Variants in GLCCI1 observed in about 807,000 individuals in gnomAD.
The protein encoded by GLCCI1 is glucocorticoid-induced transcript 1 protein.
In GLCCI1, 24 loss-of-function variants were observed where a neutral mutation model predicts 52.2. The observed-to-expected ratio is 0.46, with a 90% confidence interval of 0.33 to 0.65. The LOEUF (loss-of-function observed/expected upper bound fraction) is 0.65. Ranked by LOEUF, GLCCI1 falls within the 30% of genes least tolerant of loss-of-function variation. The pLI, the probability that GLCCI1 is intolerant of heterozygous loss-of-function variation, is 0.02. For synonymous variants in GLCCI1, 310 were observed against 276.5 expected, an observed-to-expected ratio of 1.12 and a Z score of -1.20; for missense variants, 704 against 701.5, an observed-to-expected ratio of 1.00 and a Z score of -0.04.
chr7:8,069,578 C>T (rs1424609483), intron 5 of GLCCI1, among the ~76,000 whole-genome samples: 1 of 151,984 alleles, frequency 6.6e-6, no homozygotes, highest in Non-Finnish European at 1.5e-5. Context: ...GCCGAGGGCT[C>T]ACAGGGAGGA....
At chr7:8,017,176 T>G (rs1001683506) in intron 2 of GLCCI1, among the ~76,000 whole-genome samples, 2 of 152,244 alleles carry the variant, frequency 1.3e-5, no homozygotes, top group Non-Finnish European at 2.9e-5. Flanking sequence ...TTGGTGATAT[T>G]CATGCCATCA....
At chr7:8,077,401 C>G (rs1392293650) in intron 6 of GLCCI1, among the ~76,000 whole-genome samples, 1 of 152,212 alleles carries the variant, frequency 6.6e-6, no homozygotes, top group Non-Finnish European at 1.5e-5. Context: ...ACTTGATCAT[C>G]TAGTCAGCTC....
At chr7:8,055,412 T>C (rs770400046) in intron 3 of GLCCI1, 21 bp from the exon 4 acceptor site, 1 of 1,496,354 alleles carries the variant, frequency 6.7e-7, no homozygotes, top group Non-Finnish European at 9.3e-7. Context: ...TCTTCTTACT[T>C]CTCTTTCCCT....
rs530365789 is a variant in GLCCI1 at position 7,969,479 on chromosome 7, G to GGGCGGC, written c.140_145dup (p.Gly47_Gly48dup). 1,507 of 1,031,764 alleles carry GGGCGGC rather than the reference G, an allele frequency of 1.5e-3. 5 individuals are homozygous for GGGCGGC. The highest frequency in any genetic ancestry group is 1.6e-3 in the Non-Finnish European group (1,383 of 861,894). 63.9% of individuals were successfully genotyped at this position (1,031,764 alleles called of 1,614,324 possible). ...CCGCCGCCGGGAGCGGGAACGGTGCGGGCGGCGGCGGCGGCGTGGGCTGCG... is the reference window on the plus strand; with the variant it reads ...CCGCCGCCGGGAGCGGGAACGGTGCGGGCGGCGGCGGCGGCGGCGGCGTGGGCTGCG... On this transcript the variant is annotated inframe_insertion, in exon 1 of 8. Coordinates refer to ENST00000223145, the MANE Select transcript of GLCCI1 (RefSeq NM_138426.4). The surrounding 1 kb of genome is among the most constrained non-coding windows in gnomAD (Gnocchi z 4.9).
chr7:8,070,842 C>T, intron 5 of GLCCI1, 79 bp from the exon 6 acceptor site: 1 of 1,279,216 alleles, frequency 7.8e-7, no homozygotes, highest in Non-Finnish European at 1.1e-6. Context: ...AATATGAAAT[C>T]AAGGGAAATA....
chr7:7,973,121 T>C (rs1780390199), intron 1 of GLCCI1, among the ~76,000 whole-genome samples: 1 of 152,200 alleles, frequency 6.6e-6, no homozygotes, highest in Admixed American at 6.5e-5. Flanking sequence ...CCCTGTGATG[T>C]GTTTGTAATA....
At chr7:8,005,628 TG>T (rs1010031042) in intron 2 of GLCCI1, among the ~76,000 whole-genome samples, 1 of 152,160 alleles carries the variant, frequency 6.6e-6, no homozygotes, top group Admixed American at 6.5e-5. Flanking sequence ...ATTACTGAAC[TG>T]GGATTATAGG....
chr7:8,016,913 CA>C (rs1301373895), intron 2 of GLCCI1, among the ~76,000 whole-genome samples: 1 of 152,038 alleles, frequency 6.6e-6, no homozygotes, highest in Non-Finnish European at 1.5e-5. Flanking sequence ...ATTGATTATA[CA>C]ATTATGAACA....
chr7:7,990,804 G>A (rs1050803330), intron 1 of GLCCI1, among the ~76,000 whole-genome samples: 3 of 152,054 alleles, frequency 2.0e-5, no homozygotes, highest in Non-Finnish European at 4.4e-5. Flanking sequence ...GTAAATGCTA[G>A]AATTAACGTC....
intron 3 of GLCCI1, among the ~76,000 whole-genome samples, chr7:8,043,462 A>G (rs1246056340): frequency 6.6e-6 from 1 of 152,212 alleles, no homozygotes; most frequent in Non-Finnish European, 1.5e-5. Context: ...TTGCTAAGTA[A>G]AGTCAGATGA....
intron 3 of GLCCI1, among the ~76,000 whole-genome samples, chr7:8,051,293 G>A (rs925659573): frequency 2.6e-5 from 4 of 152,208 alleles, no homozygotes; most frequent in African/African-American, 7.2e-5. Context: ...TCTATTTTCC[G>A]GTAGCTCATT....
intron 2 of GLCCI1, among the ~76,000 whole-genome samples, chr7:8,021,313 C>T (rs1389500792): frequency 1.3e-5 from 2 of 152,194 alleles, no homozygotes; most frequent in African/African-American, 4.8e-5. Flanking sequence ...TATATAGTTA[C>T]TGTGACAATC....
In GLCCI1 at chr7:8,010,454, A is replaced by G. The variant is rs137965646; in HGVS notation, c.609+6395A>G. On this transcript the variant is annotated intron_variant, in intron 2 of 7. Coordinates refer to ENST00000223145, the MANE Select transcript of GLCCI1 (RefSeq NM_138426.4). ...GAATCTGCTCCCTGCCAAGGTCAGCATCCTGTCATAATATCTTATAAAATC... is the reference window on the plus strand; with the variant it reads ...GAATCTGCTCCCTGCCAAGGTCAGCGTCCTGTCATAATATCTTATAAAATC... Among the ~76,000 whole-genome samples the G allele has an allele frequency of 1.1e-3, 168 of 152,332 alleles. 2 individuals carry two copies. Among genetic ancestry groups the G allele is most frequent in the Admixed American group, 8.8e-3 (134 of 15,296 alleles).
chr7:8,043,513 G>T (rs892745911), intron 3 of GLCCI1, among the ~76,000 whole-genome samples: 5 of 152,148 alleles, frequency 3.3e-5, no homozygotes, highest in Non-Finnish European at 7.3e-5. Context: ...TATCAAAATT[G>T]CAGAAAAGGC....
chr7:8,012,879 G>A (rs1048250154), intron 2 of GLCCI1, among the ~76,000 whole-genome samples: 5 of 152,120 alleles, frequency 3.3e-5, no homozygotes, highest in African/African-American at 1.2e-4. Context: ...GTGTCAGGAA[G>A]CTTTCTTCTT....
chr7:7,986,897 TCTTAC>T (rs1341489187), intron 1 of GLCCI1, among the ~76,000 whole-genome samples: 2 of 152,200 alleles, frequency 1.3e-5, no homozygotes, highest in Admixed American at 6.5e-5. Context: ...CTATATCTTG[TCTTAC>T]CTTCTCAGAA....
At chr7:7,992,394 T>G (rs1780860217) in intron 1 of GLCCI1, among the ~76,000 whole-genome samples, 1 of 152,040 alleles carries the variant, frequency 6.6e-6, no homozygotes, top group Non-Finnish European at 1.5e-5. Flanking sequence ...CTTTCCAGGC[T>G]TTTGATTGAA....
rs1783169319 is a variant in GLCCI1 at position 8,088,571 on chromosome 7, G to A, written c.*2033G>A. On this transcript the variant is annotated 3_prime_UTR_variant, in exon 8 of 8. Coordinates refer to ENST00000223145, the MANE Select transcript of GLCCI1 (RefSeq NM_138426.4). ...TACTAGTTCCGTAAGATAAATATGAGCTCCATTTGACTTCTGATGTCTGGT... is the reference window on the plus strand; with the variant it reads ...TACTAGTTCCGTAAGATAAATATGAACTCCATTTGACTTCTGATGTCTGGT... 1 of 152,552 alleles carries A rather than the reference G, an allele frequency of 6.6e-6. No individual in the cohort carries two copies. Among genetic ancestry groups the A allele is most frequent in the Non-Finnish European group, 1.5e-5 (1 of 68,016 alleles). 9.4% of individuals were successfully genotyped at this position (152,552 alleles called of 1,614,324 possible).
rs1468771352 is a variant in GLCCI1 at position 8,022,829 on chromosome 7, A to G, written c.696+260A>G. On this transcript the variant is annotated intron_variant, in intron 3 of 7. Transcript: ENST00000223145. ...CCTATTTGTGTATTTTGCGTCTTTT[A>G]TAAATATTTGTTATGCACTCAGTCA... The G allele has an allele frequency of 2.1e-5, 4 of 189,454 alleles. No homozygotes were observed. In the Admixed American group the frequency reaches 2.4e-4, roughly 11 times the overall value. The allele number at this position is 189,454 out of a possible 1,614,324, so 11.7% of individuals were successfully genotyped here.
Sources: allele counts gnomAD v4.1 joint callset (sites outside exome capture counted in the v4.1 genomes callset), GRCh38; gene constraint gnomAD v4.1.1; non-coding constraint Gnocchi (gnomAD v3.1); transcripts MANE v1.5; gene names NCBI Gene and HGNC (gene_info 2026-07-23, HGNC 2026-07-21).